THAP8: variants seen among roughly 807,000 people sequenced by gnomAD.
THAP8 encodes THAP domain-containing protein 8.
Under a neutral mutation model 25.0 loss-of-function variants are expected in THAP8, and 24 were observed. The ratio of observed to expected loss-of-function variants is 0.96; its 90% CI spans 0.69 to 1.35. THAP8 has a LOEUF of 1.35. Among genes scored for constraint, THAP8 ranks in the 40% most tolerant of loss-of-function variants. The pLI, the probability that THAP8 is intolerant of heterozygous loss-of-function variation, is 0.00. For synonymous variants in THAP8, 169 were observed against 157.6 expected (o/e 1.07, Z -0.54); for missense variants, 399 against 368.8 (o/e 1.08, Z -0.67).
chr19:36,040,509 T>C (rs1350168086), intron 1 of THAP8, among the ~76,000 whole-genome samples: 2 of 152,136 alleles, frequency 1.3e-5, no homozygotes, highest in African/African-American at 4.8e-5. Flanking sequence ...GTATTTTTAG[T>C]AGAGACGAGG....
intron 3 of THAP8, among the ~76,000 whole-genome samples, chr19:36,038,001 G>C (rs906558334): frequency 6.6e-6 from 1 of 151,908 alleles, no homozygotes; most frequent in Admixed American, 6.6e-5. Flanking sequence ...CTTGAGTGCA[G>C]TGGTGCCATC....
intron 1 of THAP8, among the ~76,000 whole-genome samples, chr19:36,047,934 A>T (rs1432372021): frequency 1.3e-5 from 2 of 152,112 alleles, no homozygotes; most frequent in Non-Finnish European, 2.9e-5. Flanking sequence ...TCTGTATATG[A>T]GGGAAAATAA....
At chr19:36,045,875 A>G in intron 1 of THAP8, 1 of 456,694 alleles carries the variant, frequency 2.2e-6, no homozygotes, top group Non-Finnish European at 4.4e-6. Context: ...TGGCCCAGGA[A>G]AGCCGATTTG....
At chr19:36,035,877 G>T (rs1052190354) in intron 3 of THAP8, among the ~76,000 whole-genome samples, 1 of 152,008 alleles carries the variant, frequency 6.6e-6, no homozygotes. Flanking sequence ...TACAGACAGG[G>T]TCAGAGATAT....
chr19:36,050,181 G>A (rs1201052749), intron 1 of THAP8, among the ~76,000 whole-genome samples: 4 of 152,060 alleles, frequency 2.6e-5, no homozygotes, highest in South Asian at 2.1e-4. Flanking sequence ...GGTCTCACAC[G>A]GTTGCCCAGG....
At chr19:36,042,632 AAAAC>A (rs748291511) in intron 1 of THAP8, among the ~76,000 whole-genome samples, 37 of 152,274 alleles carry the variant, frequency 2.4e-4, no homozygotes, top group Non-Finnish European at 4.4e-4. Flanking sequence ...TGCTGTCTCA[AAAAC>A]AAACAAACAG....
chr19:36,040,140 C>T lies in THAP8; in HGVS notation c.84-4G>A, dbSNP rs1014450472. ...GGGACCATCCTTCAGTGGGAACCTG[C>T]ATGGGTGGTTGGGGGGCTGGGTCAG... On this transcript the variant is annotated splice_region_variant and splice_polypyrimidine_tract_variant and intron_variant, in intron 1 of 3. Transcript: ENST00000292894. The T allele has an allele frequency of 1.3e-6, 2 of 1,599,536 alleles. No individual in the cohort carries two copies. The highest frequency in any genetic ancestry group is 1.7e-6 in the Non-Finnish European group (2 of 1,172,020).
intron 1 of THAP8, among the ~76,000 whole-genome samples, chr19:36,046,229 C>T (rs1175748236): frequency 6.6e-6 from 1 of 152,158 alleles, no homozygotes; most frequent in Non-Finnish European, 1.5e-5. Context: ...CTCTCTCTCT[C>T]CTGCCCCCAT....
In THAP8 at chr19:36,054,235, T is replaced by A; in HGVS notation, c.-18A>T. On this transcript the variant is annotated 5_prime_UTR_variant, in exon 1 of 4. Transcript: ENST00000292894. Reference sequence around the variant, plus strand: ...TTGGGCATGGCTATCCAGCCCCCGCTGAGTTTTGCCGGGTCAGCGGCTGCA... The same window carrying A: ...TTGGGCATGGCTATCCAGCCCCCGCAGAGTTTTGCCGGGTCAGCGGCTGCA... 1 of 1,611,672 alleles carries A rather than the reference T, an allele frequency of 6.2e-7. No individual in the cohort carries two copies. Among genetic ancestry groups the A allele is most frequent in the South Asian group, 1.1e-5 (1 of 90,560 alleles).
intron 3 of THAP8, among the ~76,000 whole-genome samples, chr19:36,035,815 G>A (rs962267504): frequency 1.4e-4 from 21 of 151,906 alleles, no homozygotes; most frequent in African/African-American, 1.9e-4. Flanking sequence ...AGAGAAGTGC[G>A]GGGGCACAGA....
intron 3 of THAP8, 127 bp from the exon 4 acceptor site, chr19:36,035,719 T>C: frequency 4.7e-6 from 5 of 1,064,584 alleles, no homozygotes; most frequent in Non-Finnish European, 6.8e-6. Flanking sequence ...GAGAGAGATG[T>C]GGGGAGAGAT....
chr19:36,045,499 G>A (rs1481944299), intron 1 of THAP8, among the ~76,000 whole-genome samples: 1 of 152,042 alleles, frequency 6.6e-6, no homozygotes, highest in Non-Finnish European at 1.5e-5. Context: ...AAACTCCTGG[G>A]CTCAAGCAAT....
intron 3 of THAP8, 135 bp from the exon 4 acceptor site, chr19:36,035,727 G>C: frequency 1.0e-6 from 1 of 964,454 alleles, no homozygotes. Flanking sequence ...TGTGGGGAGA[G>C]ATATGAGGAG....
At chr19:36,035,693 G>T in intron 3 of THAP8, 101 bp from the exon 4 acceptor site, 1 of 1,373,892 alleles carries the variant, frequency 7.3e-7, no homozygotes, top group Non-Finnish European at 1.0e-6. Context: ...GTGGCAGGAG[G>T]GCGTGTCAGG....
intron 1 of THAP8, among the ~76,000 whole-genome samples, chr19:36,050,288 G>T (rs758711855): frequency 2.0e-5 from 3 of 152,018 alleles, no homozygotes; most frequent in Non-Finnish European, 2.9e-5. Flanking sequence ...GGAACTACAG[G>T]TGTGTACCAC....
At chr19:36,036,925 A>G (rs1265215849) in intron 3 of THAP8, among the ~76,000 whole-genome samples, 1 of 142,346 alleles carries the variant, frequency 7.0e-6, no homozygotes, top group Non-Finnish European at 1.5e-5. Flanking sequence ...TGGGCAACAG[A>G]GCAAGACTCC....
chr19:36,043,882 C>T (rs1314412839), intron 1 of THAP8, among the ~76,000 whole-genome samples: 5 of 151,948 alleles, frequency 3.3e-5, no homozygotes, highest in Non-Finnish European at 5.9e-5. Context: ...AGCAAGACTC[C>T]ATCTCAAAAA....
At chr19:36,053,349 T>C (rs1970127879) in intron 1 of THAP8, among the ~76,000 whole-genome samples, 1 of 115,288 alleles carries the variant, frequency 8.7e-6, no homozygotes, top group African/African-American at 3.5e-5. Context: ...ATTACAGGCG[T>C]GAGCCACCAA....
chr19:36,040,139 G>A lies in THAP8; in HGVS notation c.84-3C>T. 6.3e-7 allele frequency: 1 copy of A among 1,599,832 alleles called. No individual in the cohort carries two copies. The highest frequency in any genetic ancestry group is 8.5e-7 in the Non-Finnish European group (1 of 1,172,150). On this transcript the variant is annotated splice_region_variant and splice_polypyrimidine_tract_variant and intron_variant, in intron 1 of 3. Transcript: ENST00000292894. ...GGGGACCATCCTTCAGTGGGAACCT[G>A]CATGGGTGGTTGGGGGGCTGGGTCA... is the stretch of plus-strand genomic sequence containing the variant.
Sources: allele counts gnomAD v4.1 joint callset (sites outside exome capture counted in the v4.1 genomes callset), GRCh38; gene constraint gnomAD v4.1.1; transcripts MANE v1.5; gene names NCBI Gene and HGNC (gene_info 2026-07-23, HGNC 2026-07-21).